Variants in A2M observed in about 807,000 individuals in gnomAD.
The protein encoded by A2M is C3 and PZP-like alpha-2-macroglobulin domain-containing protein 5.
A neutral mutation model predicts 183.9 loss-of-function variants in A2M; 128 were observed. The ratio of observed to expected loss-of-function variants is 0.70; its 90% CI spans 0.60 to 0.81. A2M has a LOEUF of 0.81. Ranked by LOEUF, A2M falls within the 30% of genes least tolerant of loss-of-function variation. A2M has a pLI of 0.00. For synonymous variants in A2M, 592 were observed against 670.8 expected (o/e 0.88, Z 1.81); for missense variants, 1,495 against 1,787.6 (o/e 0.84, Z 2.95).
At position 9,075,102 on chromosome 12, in the gene A2M, A is replaced by T. The variant is rs931179859; in HGVS notation, c.3533-319T>A. On this transcript the variant is annotated intron_variant, in intron 28 of 35. Transcript: ENST00000318602. ...TTTCCTATTTATGATGTTATATTAGACTATAGCTGGAGTTTGTTACATTTC... is the reference window on the plus strand; with the variant it reads ...TTTCCTATTTATGATGTTATATTAGTCTATAGCTGGAGTTTGTTACATTTC... Among the ~76,000 whole-genome samples, 9 of 152,298 alleles carry T rather than the reference A, an allele frequency of 5.9e-5. No homozygotes were observed. In the East Asian group the frequency reaches 1.7e-3, roughly 29 times the overall value.
At position 9,070,590 on chromosome 12, in the gene A2M, G is replaced by T; in HGVS notation, c.4104-12C>A. The T allele has an allele frequency of 6.3e-7, 1 of 1,593,718 alleles. No homozygotes were observed. Among genetic ancestry groups the T allele is most frequent in the Middle Eastern group, 1.7e-4 (1 of 6,016 alleles). On this transcript the variant is annotated splice_polypyrimidine_tract_variant and intron_variant, in intron 31 of 35. Coordinates refer to ENST00000318602, the MANE Select transcript of A2M (RefSeq NM_000014.6). ...GGCTCCCTGTGTAACTGAGGATCCA[G>T]GGGAGGAAAGGATTAGGGTTTTCTG...
intron 4 of A2M, chr12:9,111,952 C>CTG (rs756501246): frequency 1.6e-4 from 120 of 731,596 alleles, no homozygotes; most frequent in Non-Finnish European, 2.8e-4. Flanking sequence ...TGACAACTGA[C>CTG]TGAGTACCAG....
At chr12:9,107,456 G>C in intron 8 of A2M, 68 bp downstream of exon 8, 1 of 1,570,166 alleles carries the variant, frequency 6.4e-7, no homozygotes, top group Non-Finnish European at 8.7e-7. Context: ...TCAGAAAAAT[G>C]CTGCAACTCA....
chr12:9,088,593 T>G (rs1482725967), intron 22 of A2M, among the ~76,000 whole-genome samples: 1 of 152,136 alleles, frequency 6.6e-6, no homozygotes, highest in Non-Finnish European at 1.5e-5. Flanking sequence ...GCAATGAACC[T>G]ATGTATGATG....
intron 15 of A2M, among the ~76,000 whole-genome samples, chr12:9,097,003 G>A (rs1403132629): frequency 6.6e-6 from 1 of 152,170 alleles, no homozygotes; most frequent in Non-Finnish European, 1.5e-5. Context: ...CTTGAGAAGA[G>A]TTGGTGTTTT....
Position 9,069,763 on chromosome 12 carries a change from G to A in A2M, c.4245C>T (p.Val1415=). The change falls in exon 33 of 36, where the codon GTC becomes GTT. Residue 1415 remains valine, a synonymous_variant. Transcript: ENST00000318602. ...VSRTEVSSNH[V]LIYLDKVSNQ... ...CTCTTACCTTATCAAGGTAAATCAA[G>A]ACATGGTTGCTGCTGACTTCTGTCC... The A allele has an allele frequency of 6.2e-7, 1 of 1,612,662 alleles. No homozygotes were observed. Among genetic ancestry groups the A allele is most frequent in the South Asian group, 1.1e-5 (1 of 90,792 alleles).
chr12:9,073,505 A>G (rs1435308202), intron 29 of A2M, among the ~76,000 whole-genome samples: 2 of 152,204 alleles, frequency 1.3e-5, no homozygotes, highest in South Asian at 2.1e-4. Context: ...GCCTCCTTCA[A>G]ATAATATGTT....
chr12:9,079,665 G>C lies in A2M; in HGVS notation c.3005C>G (p.Ser1002Cys), dbSNP rs1462234346. 1.9e-6 allele frequency: 3 copies of C among 1,613,494 alleles called. No homozygotes were observed. In the Admixed American group the frequency reaches 5.0e-5, roughly 27 times the overall value. The change falls in exon 24 of 36, where the codon TCC (serine) becomes TGC (cysteine). Residue 1002 changes from serine (S) to cysteine (C), a missense_variant. Physicochemically the swap from Ser to Cys is moderately radical, Grantham distance 112. Transcript: ENST00000318602. ...ETQQLTPEIK[S>C]KAIGYLNTGY... ...AGTGTTGAGATAGCCAATGGCCTTG[G>C]ACTTGATCTCTGGAGTAAGCTGCTG...
chr12:9,112,032 T>G, intron 4 of A2M, 127 bp downstream of exon 4: 1 of 895,986 alleles, frequency 1.1e-6, no homozygotes. Context: ...CTTGTGCTGT[T>G]GTAATGCCAG....
intron 16 of A2M, 126 bp downstream of exon 16, chr12:9,095,413 G>T: frequency 3.4e-6 from 3 of 883,046 alleles, no homozygotes; most frequent in Non-Finnish European, 5.0e-6. Context: ...TAGTAGAGAA[G>T]CCACTTACCT....
Position 9,091,460 on chromosome 12 carries a change from G to A in A2M, c.2241-31C>T, listed in dbSNP as rs772025020. ...GAGGAGTGTAAGTGAAGAACAGAAA[G>A]TAAGCAGTTAAATACATCCTTTCTA... On this transcript the variant is annotated intron_variant, in intron 18 of 35. Coordinates refer to ENST00000318602, the MANE Select transcript of A2M (RefSeq NM_000014.6). The A allele has an allele frequency of 1.9e-6, 3 of 1,610,470 alleles. No homozygotes were observed. In the Admixed American group the frequency reaches 5.0e-5, roughly 27 times the overall value.
At chr12:9,104,024 C>G (rs1938093923) in intron 11 of A2M, among the ~76,000 whole-genome samples, 1 of 152,198 alleles carries the variant, frequency 6.6e-6, no homozygotes, top group South Asian at 2.1e-4. Context: ...ATTTTACGTT[C>G]CCAGCAACAC....
At position 9,093,491 on chromosome 12, in the gene A2M, T is replaced by C. The variant is rs768109051; in HGVS notation, c.2214A>G (p.Thr738=). The change falls in exon 18 of 36, where the codon ACA becomes ACG. Residue 738 remains threonine (T), a synonymous_variant. Transcript: ENST00000318602. ...TTACCACCACCAAATCCCAGATCCA[T>C]GTCTCAGGGAAGTACTTTCGTACGG... The part of the protein sequence containing the change: ...TETVRKYFPE[T]WIWDLVVVNS... The C allele has an allele frequency of 1.9e-6, 3 of 1,613,932 alleles. No individual in the cohort carries two copies. Among genetic ancestry groups the C allele is most frequent in the Non-Finnish European group, 2.5e-6 (3 of 1,179,842 alleles).
intron 15 of A2M, among the ~76,000 whole-genome samples, chr12:9,096,002 A>G (rs1027559321): frequency 2.0e-5 from 3 of 146,530 alleles, no homozygotes; most frequent in Admixed American, 6.8e-5. Flanking sequence ...CTCATGATCC[A>G]CCCGCCTCGG....
chr12:9,110,113 A>G, intron 5 of A2M, 78 bp from the exon 6 acceptor site: 1 of 1,480,816 alleles, frequency 6.8e-7, no homozygotes, highest in Non-Finnish European at 9.1e-7. Flanking sequence ...TGGAAACCCT[A>G]AGTTATCTAC....
intron 9 of A2M, 72 bp from the exon 10 acceptor site, chr12:9,106,417 A>T: frequency 7.0e-7 from 1 of 1,430,836 alleles, no homozygotes; most frequent in South Asian, 1.2e-5. Context: ...CCTCCCCCCA[A>T]CTTACAATTC....
At chr12:9,098,941 C>T (rs1209867271) in intron 14 of A2M, among the ~76,000 whole-genome samples, 185 bp from the exon 15 acceptor site, 7 of 152,200 alleles carry the variant, frequency 4.6e-5, no homozygotes, top group Non-Finnish European at 1.0e-4. Context: ...TCAAGAATCA[C>T]TTGAGCCAGT....
chr12:9,112,043 A>T (rs781726856), intron 4 of A2M, 116 bp downstream of exon 4: 1 of 952,442 alleles, frequency 1.0e-6, no homozygotes, highest in East Asian at 2.4e-5. Flanking sequence ...GTAATGCCAG[A>T]AGTTACTGTT....
chr12:9,085,265 T>A (rs1367460504), intron 22 of A2M, among the ~76,000 whole-genome samples: 1 of 152,036 alleles, frequency 6.6e-6, no homozygotes, highest in African/African-American at 2.4e-5. Flanking sequence ...ACAAAACAAG[T>A]CTTAGCAAAT....
Sources: gnomAD v4.1 joint callset for allele counts (sites outside exome capture counted in the v4.1 genomes callset) on GRCh38, gnomAD v4.1.1 for gene constraint, MANE v1.5 for transcripts, NCBI Gene and HGNC (gene_info 2026-07-23, HGNC 2026-07-21) for gene names.